Variants in IFT122 observed in about 807,000 individuals in gnomAD.
IFT122 encodes the protein intraflagellar transport 122.
In IFT122, 118 loss-of-function variants were observed where a neutral mutation model predicts 161.6. That is an observed-to-expected ratio of 0.73 (90% CI 0.63 to 0.85). The LOEUF (loss-of-function observed/expected upper bound fraction) is 0.85. Among genes scored for constraint, IFT122 ranks in the 40% least tolerant of loss-of-function variants. IFT122 has a pLI of 0.00. For missense variants in IFT122, 1,381 were observed against 1,579.6 expected (o/e 0.87, Z 2.13); for synonymous variants, 550 against 602.4 (o/e 0.91, Z 1.27).
At chr3:129,441,458 T>C (rs1026105673) in intron 1 of IFT122, among the ~76,000 whole-genome samples, 1 of 152,252 alleles carries the variant, frequency 6.6e-6, no homozygotes. Flanking sequence ...CTCTCTAAGG[T>C]AGGTACTATA....
chr3:129,512,768 A>C (rs2082984716), intron 24 of IFT122: 1 of 366,554 alleles, frequency 2.7e-6, no homozygotes, highest in Non-Finnish European at 5.2e-6. Flanking sequence ...ACTGGGGAGG[A>C]GGGAGTGTTT....
intron 18 of IFT122, among the ~76,000 whole-genome samples, chr3:129,498,455 G>T (rs1239315587): frequency 2.0e-5 from 3 of 152,226 alleles, no homozygotes; most frequent in Non-Finnish European, 4.4e-5. Flanking sequence ...GCCCAAACTA[G>T]GCGGGGACAG....
In IFT122 at chr3:129,519,663, C is replaced by T. The variant is rs1578257852; in HGVS notation, c.3567C>T (p.Pro1189=). Residue 1189 remains proline (P), a synonymous_variant, in exon 29 of 30, where the codon CCC becomes CCT. Coordinates refer to ENST00000348417, the MANE Select transcript of IFT122 (RefSeq NM_052989.3). The part of the protein sequence containing the change: ...RDVLIKRWPP[P]LRWQYFRSLL... ...TCCTCATCAAGCGATGGCCCCCACC[C>T]CTGAGGTGGCAATACTTCCGCTCAC... 1 of 1,613,812 alleles carries T rather than the reference C, an allele frequency of 6.2e-7. No individual in the cohort carries two copies. The highest frequency in any genetic ancestry group is 8.5e-7 in the Non-Finnish European group (1 of 1,180,032).
chr3:129,480,470 G>A (rs2078513145), intron 13 of IFT122, among the ~76,000 whole-genome samples: 1 of 152,204 alleles, frequency 6.6e-6, no homozygotes, highest in Admixed American at 6.5e-5. Flanking sequence ...CATAAGAAAA[G>A]TTCTAAGTAG....
intron 23 of IFT122, among the ~76,000 whole-genome samples, chr3:129,509,933 TGAGGATTAGAC>T (rs978488834): frequency 1.9e-4 from 29 of 152,366 alleles, no homozygotes; most frequent in African/African-American, 6.7e-4. Context: ...GGGATTGTTT[TGAGGATTAGAC>T]GAGTTAATAT....
At chr3:129,463,274 A>C in intron 5 of IFT122, 1 of 400,616 alleles carries the variant, frequency 2.5e-6, no homozygotes, top group Non-Finnish European at 4.7e-6. Context: ...GAACTAAGCC[A>C]TCACCATGCA....
At chr3:129,510,647 C>T (rs190722996) in intron 23 of IFT122, among the ~76,000 whole-genome samples, 1 of 152,300 alleles carries the variant, frequency 6.6e-6, no homozygotes, top group Admixed American at 6.5e-5. Context: ...TGTCCTCTTC[C>T]TCACCTGGGG....
At chr3:129,472,146 A>G (rs1188855680) in intron 9 of IFT122, among the ~76,000 whole-genome samples, 2 of 152,042 alleles carry the variant, frequency 1.3e-5, no homozygotes, top group Admixed American at 6.6e-5. Context: ...GAGTAATTTC[A>G]TATGTCTGAT....
chr3:129,516,804 G>C (rs111162337), intron 26 of IFT122, among the ~76,000 whole-genome samples: 10,302 of 92,540 alleles, frequency 0.11, 700 homozygotes, highest in South Asian at 0.18. Context: ...CACACACACA[G>C]AGACTGCCCC....
intron 12 of IFT122, among the ~76,000 whole-genome samples, chr3:129,479,476 A>C (rs895507035): frequency 6.6e-6 from 1 of 152,010 alleles, no homozygotes; most frequent in Non-Finnish European, 1.5e-5. Flanking sequence ...TAGAACTCCA[A>C]GCGGTTTAGG....
chr3:129,441,487 A>G (rs538503357), intron 1 of IFT122, among the ~76,000 whole-genome samples: 1 of 152,216 alleles, frequency 6.6e-6, no homozygotes, highest in Non-Finnish European at 1.5e-5. Flanking sequence ...TATTTTATGT[A>G]TGAGGAAACT....
At chr3:129,474,207 G>C (rs1214801962) in intron 9 of IFT122, among the ~76,000 whole-genome samples, 1 of 152,146 alleles carries the variant, frequency 6.6e-6, no homozygotes, top group Non-Finnish European at 1.5e-5. Context: ...TTTATAATCT[G>C]TTCAAAATTG....
chr3:129,468,548 T>A (rs191538935), intron 8 of IFT122, among the ~76,000 whole-genome samples: 3 of 152,326 alleles, frequency 2.0e-5, no homozygotes, highest in African/African-American at 7.2e-5. Flanking sequence ...TTCCCCATGT[T>A]GGCCAGGCTG....
chr3:129,483,352 A>G, intron 14 of IFT122, 133 bp from the exon 15 acceptor site: 2 of 785,408 alleles, frequency 2.5e-6, no homozygotes, highest in Admixed American at 1.9e-5. Context: ...GTCCCCTTTC[A>G]TCCTTTTCCC....
intron 3 of IFT122, among the ~76,000 whole-genome samples, chr3:129,454,193 C>T (rs992196528): frequency 1.8e-4 from 28 of 151,956 alleles, no homozygotes; most frequent in African/African-American, 6.5e-4. Context: ...CTGATTAGTC[C>T]AGTCTCTTCA....
intron 23 of IFT122, among the ~76,000 whole-genome samples, chr3:129,510,211 C>T (rs1342956086): frequency 6.6e-6 from 1 of 152,222 alleles, no homozygotes; most frequent in African/African-American, 2.4e-5. Flanking sequence ...CAGGCATGAG[C>T]CACCACGCCC....
At chr3:129,494,659 G>A (rs2080609432) in intron 17 of IFT122, among the ~76,000 whole-genome samples, 1 of 151,132 alleles carries the variant, frequency 6.6e-6, no homozygotes, top group Admixed American at 6.6e-5. Flanking sequence ...GACACAGAAG[G>A]AAGAAGCTTT....
chr3:129,449,738 A>G, intron 1 of IFT122, 133 bp from the exon 2 acceptor site: 1 of 728,888 alleles, frequency 1.4e-6, no homozygotes, highest in South Asian at 1.4e-5. Context: ...CAACAAATGC[A>G]ATTCGTAGTT....
At chr3:129,458,262 T>A (rs1423433069) in intron 3 of IFT122, among the ~76,000 whole-genome samples, 1 of 152,206 alleles carries the variant, frequency 6.6e-6, no homozygotes, top group African/African-American at 2.4e-5. Flanking sequence ...CATGTTGTAT[T>A]TGTGTTAGAT....
Sources: allele counts gnomAD v4.1 joint callset (sites outside exome capture counted in the v4.1 genomes callset), GRCh38; gene constraint gnomAD v4.1.1; transcripts MANE v1.5; gene names NCBI Gene and HGNC (gene_info 2026-07-23, HGNC 2026-07-21).